The following PCDHGB2 variants were observed in gnomAD, a reference collection of about 807,000 sequenced individuals.
PCDHGB2 encodes protocadherin gamma-B2.
In PCDHGB2, 55 loss-of-function variants were observed where a neutral mutation model predicts 59.3. That is an observed-to-expected ratio of 0.93 (90% CI 0.75 to 1.16). The LOEUF (loss-of-function observed/expected upper bound fraction) is 1.16, where lower values mean the gene tolerates loss of function less well. Ranked by LOEUF, PCDHGB2 falls within the 50% of genes most tolerant of loss-of-function variation. The pLI, the probability that PCDHGB2 is intolerant of heterozygous loss-of-function variation, is 0.00. For missense variants in PCDHGB2, 1,228 were observed against 1,198.5 expected (o/e 1.02, Z -0.36); for synonymous variants, 516 against 512.0 (o/e 1.01, Z -0.11).
rs1482973199 is a variant in PCDHGB2 at position 141,361,429 on chromosome 5, CT to C, written c.1295del (p.Leu432ProfsTer5). 10 of 1,613,948 alleles carry C rather than the reference CT, an allele frequency of 6.2e-6. No individual in the cohort carries two copies. The highest frequency in any genetic ancestry group is 8.5e-6 in the Non-Finnish European group (10 of 1,179,914). ...AGCCACCGACGGGGGCAAGCCGCCCCTCTCCTCCAGCATAATTGTCACCCTG... is the reference window on the plus strand; with the variant it reads ...AGCCACCGACGGGGGCAAGCCGCCCCCTCCTCCAGCATAATTGTCACCCTG... ...ITATDGGKPP[L>X]SSSIIVTLHI... On this transcript the variant is annotated frameshift_variant, in exon 1 of 4. Coordinates refer to ENST00000522605, the MANE Select transcript of PCDHGB2 (RefSeq NM_018923.3). LOFTEE classifies it high-confidence loss of function.
chr5:141,409,990 C>A (rs377295503), intron 1 of PCDHGB2: 26 of 1,613,278 alleles, frequency 1.6e-5, no homozygotes, highest in Non-Finnish European at 2.2e-5. Flanking sequence ...CGGTGGACGC[C>A]GACTCGGGAC....
In PCDHGB2 at chr5:141,485,867, G is replaced by T; in HGVS notation, c.2422-8940G>T. The T allele has an allele frequency of 6.2e-7, 1 of 1,614,164 alleles. No homozygotes were observed. Among genetic ancestry groups the T allele is most frequent in the Non-Finnish European group, 8.5e-7 (1 of 1,180,040 alleles). On this transcript the variant is annotated intron_variant, in intron 1 of 3. Transcript: ENST00000522605. The surrounding 1 kb of genome is among the most constrained non-coding windows in gnomAD (Gnocchi z 5.7). ...TGGCACCGCAGAGCTCCGGGTATCC[G>T]TGCTGGACGTAAACGACAACGCCCC...
rs564439931 is a variant in PCDHGB2 at position 141,490,480 on chromosome 5, C to T, written c.2422-4327C>T. On this transcript the variant is annotated intron_variant, in intron 1 of 3. Coordinates refer to ENST00000522605, the MANE Select transcript of PCDHGB2 (RefSeq NM_018923.3). The surrounding 1 kb of genome is among the most constrained non-coding windows in gnomAD (Gnocchi z 5.4). ...GCTGCTAACCAGCCAGCCTTTGGAC[C>T]GGGAGGCCACATCCCACTATATCAT... The T allele has an allele frequency of 3.5e-5, 56 of 1,614,194 alleles. No individual in the cohort carries two copies. Among genetic ancestry groups the T allele is most frequent in the Admixed American group, 1.5e-4 (9 of 60,022 alleles).
At chr5:141,449,055 A>T (rs1056298558) in intron 1 of PCDHGB2, among the ~76,000 whole-genome samples, 1 of 152,188 alleles carries the variant, frequency 6.6e-6, no homozygotes, top group Non-Finnish European at 1.5e-5. Context: ...CTCATAAATG[A>T]GCGCTATTGA....
chr5:141,477,301 C>T lies in PCDHGB2; in HGVS notation c.2422-17506C>T, dbSNP rs756549446. The T allele has an allele frequency of 6.2e-7, 1 of 1,614,160 alleles. No homozygotes were observed. Among genetic ancestry groups the T allele is most frequent in the East Asian group, 2.2e-5 (1 of 44,872 alleles). Reference sequence around the variant, plus strand: ...TGACCTGCGAAGTTCCACCGGGTCTCCCTTTCAGCCTTACTTCTTCCCTCA... The same window carrying T: ...TGACCTGCGAAGTTCCACCGGGTCTTCCTTTCAGCCTTACTTCTTCCCTCA... On this transcript the variant is annotated intron_variant, in intron 1 of 3. Coordinates refer to ENST00000522605, the MANE Select transcript of PCDHGB2 (RefSeq NM_018923.3). The surrounding 1 kb of genome is among the most constrained non-coding windows in gnomAD (Gnocchi z 4.9).
chr5:141,388,432 A>C (rs760022375), intron 1 of PCDHGB2: 1 of 1,613,760 alleles, frequency 6.2e-7, no homozygotes, highest in South Asian at 1.1e-5. Context: ...CTGATAAATA[A>C]AGAGAAATCA....
chr5:141,400,462 G>T lies in PCDHGB2; in HGVS notation c.2421+37906G>T, dbSNP rs141917215. 2.3e-4 allele frequency: 379 copies of T among 1,614,062 alleles called. 2 individuals carry two copies. The African/African-American group carries it at 4.7e-3, about 20-fold the overall frequency. The stretch of plus-strand genomic sequence containing the variant: ...TTCAGGACAAGACATACTTTGTGGT[G>T]ATTCATCTGGGGCCTTATTTCCACT... On this transcript the variant is annotated intron_variant, in intron 1 of 3. Transcript: ENST00000522605.
At chr5:141,395,253 T>G (rs765397414) in intron 1 of PCDHGB2, 1 of 1,557,696 alleles carries the variant, frequency 6.4e-7, no homozygotes, top group Admixed American at 2.0e-5. Flanking sequence ...TTTAGTTCTT[T>G]GCTTGCTTTT....
chr5:141,408,973 T>G lies in PCDHGB2; in HGVS notation c.2421+46417T>G, dbSNP rs754120948. 4.3e-5 allele frequency: 70 copies of G among 1,613,718 alleles called. No homozygotes were observed. In the Admixed American group the frequency reaches 6.5e-4, roughly 15 times the overall value. ...TTAGTCTTAGTGAAAATCTGCCCCC[T>G]GGGTCCCCTGTGTTGCAAGTGACAG... On this transcript the variant is annotated intron_variant, in intron 1 of 3. Transcript: ENST00000522605.
rs550977374 is a variant in PCDHGB2, at chr5:141,447,118, G to A, written c.2422-47689G>A. 9.2e-5 allele frequency among the ~76,000 whole-genome samples: 14 copies of A among 151,984 alleles called. No individual in the cohort carries two copies. The East Asian group carries it at 2.7e-3, about 29-fold the overall frequency. ...TTCACATGATTATATGTGCTCCATGGATTTTTTTGTTTGTTTGTTTTTTGT... is the reference window on the plus strand; with the variant it reads ...TTCACATGATTATATGTGCTCCATGAATTTTTTTGTTTGTTTGTTTTTTGT... On this transcript the variant is annotated intron_variant, in intron 1 of 3. Transcript: ENST00000522605.
At chr5:141,470,682 T>C (rs2099236741) in intron 1 of PCDHGB2, among the ~76,000 whole-genome samples, 1 of 152,138 alleles carries the variant, frequency 6.6e-6, no homozygotes, top group Non-Finnish European at 1.5e-5. Flanking sequence ...TGTTACCATC[T>C]TGAAATTCTT....
In PCDHGB2 at chr5:141,389,412, G is replaced by A. The variant is rs1039259671; in HGVS notation, c.2421+26856G>A. 5 of 1,613,588 alleles carry A rather than the reference G, an allele frequency of 3.1e-6. No individual in the cohort carries two copies. Among genetic ancestry groups the A allele is most frequent in the Admixed American group, 3.3e-5 (2 of 60,038 alleles). On this transcript the variant is annotated intron_variant, in intron 1 of 3. Transcript: ENST00000522605. ...CTACGTGTCCATAAGCGCGGAGAGC[G>A]GGGTGGTGTTCGCGCAGCGCGCCTT...
At chr5:141,408,280 C>T in intron 1 of PCDHGB2, 1 of 1,612,648 alleles carries the variant, frequency 6.2e-7, no homozygotes, top group Non-Finnish European at 8.5e-7. Flanking sequence ...CTTTGTTCTA[C>T]CCCACCCTGA....
At chr5:141,388,935 C>T (rs1215680251) in intron 1 of PCDHGB2, 2 of 1,613,984 alleles carry the variant, frequency 1.2e-6, no homozygotes, top group South Asian at 1.1e-5. Flanking sequence ...CCAGTCTCTA[C>T]CCAACCTAAT....
chr5:141,461,037 G>T (rs1254497108), intron 1 of PCDHGB2, among the ~76,000 whole-genome samples: 1 of 150,988 alleles, frequency 6.6e-6, no homozygotes, highest in Non-Finnish European at 1.5e-5. Flanking sequence ...CCACTCATTA[G>T]TCGATGGGGA....
In PCDHGB2 at chr5:141,361,845, T is replaced by C; in HGVS notation, c.1710T>C (p.Asp570=). The part of the protein sequence containing the change: ...PRVLYPALGP[D]GSALFDMVPR... ...TGCTGTACCCCGCGCTGGGGCCTGA[T>C]GGCTCCGCCCTCTTCGATATGGTGC... Residue 570 remains aspartate (D), a synonymous_variant, in exon 1 of 4, where the codon GAT becomes GAC. Transcript: ENST00000522605. The C allele has an allele frequency of 1.2e-6, 2 of 1,612,744 alleles. No homozygotes were observed. The highest frequency in any genetic ancestry group is 1.7e-6 in the Non-Finnish European group (2 of 1,179,722).
chr5:141,388,631 G>T, intron 1 of PCDHGB2: 2 of 1,613,960 alleles, frequency 1.2e-6, no homozygotes, highest in Non-Finnish European at 1.7e-6. Context: ...TATACAGGGT[G>T]AGCCTTTCAG....
At chr5:141,427,378 C>T in intron 1 of PCDHGB2, 1 of 458,520 alleles carries the variant, frequency 2.2e-6, no homozygotes, top group Non-Finnish European at 4.4e-6. Context: ...ACGGTGATCA[C>T]TCTGTTCAAA....
rs1463168776 is a variant in PCDHGB2, at chr5:141,362,329, A to G, written c.2194A>G (p.Ser732Gly). The change falls in exon 1 of 4, where the codon AGC (serine) becomes GGC (glycine). Residue 732 changes from serine to glycine, a missense_variant. Around this residue, in one of 3 missense-constraint regions of PCDHGB2, gnomAD observed 433 missense variants for 441.8 expected, o/e 0.98. Transcript: ENST00000522605. ...TTGGGACTGTTTTCAGCCTGGTCTC[A>G]GCTCCAAGCCTGGACCTGGGGTTCT... is the stretch of plus-strand genomic sequence containing the variant. ...DAWDCFQPGL[S>G]SKPGPGVLPN... 5 of 1,613,930 alleles carry G rather than the reference A, an allele frequency of 3.1e-6. No individual in the cohort carries two copies. Among genetic ancestry groups the G allele is most frequent in the Non-Finnish European group, 4.2e-6 (5 of 1,179,906 alleles).
Sources: allele counts gnomAD v4.1 joint callset (sites outside exome capture counted in the v4.1 genomes callset), GRCh38; gene constraint gnomAD v4.1.1; regional missense constraint gnomAD v4.1.1; non-coding constraint Gnocchi (gnomAD v3.1); transcripts MANE v1.5; gene names NCBI Gene and HGNC (gene_info 2026-07-23, HGNC 2026-07-21).